PTPRO: variants seen among roughly 807,000 people sequenced by gnomAD.
PTPRO encodes the protein receptor-type tyrosine-protein phosphatase O.
A neutral mutation model predicts 145.2 loss-of-function variants in PTPRO; 62 were observed. That is an observed-to-expected ratio of 0.43 (90% CI 0.35 to 0.53). PTPRO has a LOEUF of 0.53. Ranked by LOEUF, PTPRO falls within the 20% of genes least tolerant of loss-of-function variation. The probability of loss-of-function intolerance (pLI) is 0.01; values close to 1 mark genes in which losing one functional copy is unlikely to be tolerated. For synonymous variants in PTPRO, 565 were observed against 514.7 expected (o/e 1.10, Z -1.32); for missense variants, 1,345 against 1,482.7 (o/e 0.91, Z 1.53).
chr12:15,444,051 C>G (rs908362781), intron 1 of PTPRO, among the ~76,000 whole-genome samples: 1 of 151,632 alleles, frequency 6.6e-6, no homozygotes, highest in Non-Finnish European at 1.5e-5. Context: ...CATCACAGCA[C>G]TATTTGTGAT....
Position 15,546,591 on chromosome 12 carries a change from C to G in PTPRO, c.2187C>G (p.Leu729=). 1 of 1,610,764 alleles carries G rather than the reference C, an allele frequency of 6.2e-7. No individual in the cohort carries two copies. Among genetic ancestry groups the G allele is most frequent in the Non-Finnish European group, 8.5e-7 (1 of 1,178,220 alleles). ...VKLEPAPPKS[L]FAVNKTQTSV... The stretch of plus-strand genomic sequence containing the variant: ...CAGAACCAGCTCCACCCAAATCACT[C>G]TTCGCAGTGAACAAAACCCAGACTT... Residue 729 remains leucine, a synonymous_variant, in exon 13 of 27, where the codon CTC becomes CTG. Coordinates refer to ENST00000281171, the MANE Select transcript of PTPRO (RefSeq NM_030667.3).
chr12:15,580,279 A>G (rs1944282473), intron 21 of PTPRO, among the ~76,000 whole-genome samples, 164 bp downstream of exon 21: 1 of 152,246 alleles, frequency 6.6e-6, no homozygotes, highest in African/African-American at 2.4e-5. Context: ...GAATAGAAAG[A>G]AAAAGTCCAT....
intron 12 of PTPRO, among the ~76,000 whole-genome samples, chr12:15,545,207 C>T (rs1335703874): frequency 6.6e-6 from 1 of 151,872 alleles, no homozygotes; most frequent in Non-Finnish European, 1.5e-5. Context: ...AGCTGGAGAA[C>T]AGACTTAGGA....
intron 25 of PTPRO, among the ~76,000 whole-genome samples, chr12:15,592,796 A>G (rs1047645360): frequency 1.3e-5 from 2 of 152,194 alleles, no homozygotes; most frequent in Non-Finnish European, 2.9e-5. Context: ...TGAAACTGTG[A>G]AGTGCTACTT....
chr12:15,515,976 G>GTTTTT (rs779273373), intron 8 of PTPRO, among the ~76,000 whole-genome samples: 1 of 126,202 alleles, frequency 7.9e-6, no homozygotes, highest in Non-Finnish European at 1.7e-5. Context: ...TGTTTGTCTG[G>GTTTTT]TTTTTTTTTT....
intron 1 of PTPRO, among the ~76,000 whole-genome samples, chr12:15,476,614 G>A (rs981929486): frequency 6.6e-6 from 1 of 151,112 alleles, no homozygotes; most frequent in Non-Finnish European, 1.5e-5. Flanking sequence ...CATTGCTTTT[G>A]GTGTTTTGGA....
At chr12:15,538,589 A>T (rs1020691211) in intron 12 of PTPRO, among the ~76,000 whole-genome samples, 1 of 152,236 alleles carries the variant, frequency 6.6e-6, no homozygotes, top group Admixed American at 6.5e-5. Flanking sequence ...CTGCAGGTAC[A>T]TGATTCTCTC....
chr12:15,495,254 T>G (rs1326082270), intron 2 of PTPRO, among the ~76,000 whole-genome samples: 2 of 151,632 alleles, frequency 1.3e-5, no homozygotes, highest in Non-Finnish European at 2.9e-5. Flanking sequence ...ATGCTGTTTT[T>G]CAGAAAACTC....
intron 23 of PTPRO, among the ~76,000 whole-genome samples, chr12:15,582,559 G>T (rs1944344097): frequency 6.6e-6 from 1 of 152,206 alleles, no homozygotes; most frequent in South Asian, 2.1e-4. Flanking sequence ...GATCATAGAA[G>T]ACACTATTAA....
chr12:15,451,538 T>C (rs1329491577), intron 1 of PTPRO, among the ~76,000 whole-genome samples: 1 of 152,144 alleles, frequency 6.6e-6, no homozygotes, highest in Non-Finnish European at 1.5e-5. Context: ...AACCACAGAA[T>C]ATGCATTCTA....
chr12:15,404,188 CAAAAAAAAA>C (rs370733389), intron 1 of PTPRO, among the ~76,000 whole-genome samples: 7 of 49,998 alleles, frequency 1.4e-4, no homozygotes, highest in Admixed American at 2.6e-4. Context: ...GACCCCATCT[CAAAAAAAAA>C]AAAAAAAAAA....
At chr12:15,576,212 A>C (rs1160748305) in intron 19 of PTPRO, among the ~76,000 whole-genome samples, 1 of 152,244 alleles carries the variant, frequency 6.6e-6, no homozygotes, top group South Asian at 2.1e-4. Context: ...ATAACTTCAA[A>C]GCTGCTGAAC....
In PTPRO at chr12:15,581,714, A is replaced by ATGG; in HGVS notation, c.3168_3169insTGG (p.Glu1056_Pro1057insTrp). 1 of 1,613,994 alleles carries ATGG rather than the reference A, an allele frequency of 6.2e-7. No homozygotes were observed. The highest frequency in any genetic ancestry group is 8.5e-7 in the Non-Finnish European group (1 of 1,179,904). On this transcript the variant is annotated inframe_insertion, in exon 23 of 27. Transcript: ENST00000281171. ...ACCATTACTGGCCATTCACGGAAGA[A>ATGG]CCTATAGCCTATGGAGACATCACTG...
Position 15,461,782 on chromosome 12 carries a change from G to T in PTPRO, c.76-22192G>T, listed in dbSNP as rs253807. On this transcript the variant is annotated intron_variant, in intron 1 of 26. Coordinates refer to ENST00000281171, the MANE Select transcript of PTPRO (RefSeq NM_030667.3). ...GGGGTTTCACCGTGTTGGCCATGAT[G>T]GTCTCGACCTCCTGACCTCGTGATC... Among the ~76,000 whole-genome samples the T allele has an allele frequency of 1.7e-3, 263 of 151,988 alleles. 1 individual carries two copies. Among genetic ancestry groups the T allele is most frequent in the African/African-American group, 6.0e-3 (250 of 41,450 alleles).
In PTPRO at chr12:15,352,920, AT is replaced by A. The variant is rs1461274375; in HGVS notation, c.75+30120del. 2.0e-5 allele frequency among the ~76,000 whole-genome samples: 3 copies of A among 152,314 alleles called. No homozygotes were observed. The East Asian group carries it at 5.8e-4, about 29-fold the overall frequency. On this transcript the variant is annotated intron_variant, in intron 1 of 26. Transcript: ENST00000281171. ...TTCCCATCAATTACCCAGAAAATAC[AT>A]GTCTTATATGTCAATATATCATGCA...
chr12:15,517,016 C>T (rs1288750999), intron 9 of PTPRO, 60 bp downstream of exon 9: 1 of 1,394,300 alleles, frequency 7.2e-7, no homozygotes, highest in Non-Finnish European at 1.0e-6. Flanking sequence ...CCTTTATGTA[C>T]CAAATGTGTC....
chr12:15,551,706 C>T, intron 15 of PTPRO, 35 bp downstream of exon 15: 3 of 1,603,030 alleles, frequency 1.9e-6, no homozygotes, highest in Non-Finnish European at 1.7e-6. Context: ...TATCCGGAAT[C>T]TTTAAAATAT....
At chr12:15,369,849 C>T (rs1358334743) in intron 1 of PTPRO, among the ~76,000 whole-genome samples, 4 of 152,090 alleles carry the variant, frequency 2.6e-5, no homozygotes, top group Non-Finnish European at 5.9e-5. Flanking sequence ...GTCAGGAGTG[C>T]AAGACCAGCC....
At chr12:15,482,779 C>A (rs1941806835) in intron 1 of PTPRO, among the ~76,000 whole-genome samples, 1 of 152,088 alleles carries the variant, frequency 6.6e-6, no homozygotes, top group Non-Finnish European at 1.5e-5. Context: ...AGAAACTTAA[C>A]AGTCATGTGT....
Sources: gnomAD v4.1 joint callset for allele counts (sites outside exome capture counted in the v4.1 genomes callset) on GRCh38, gnomAD v4.1.1 for gene constraint, MANE v1.5 for transcripts, NCBI Gene and HGNC (gene_info 2026-07-23, HGNC 2026-07-21) for gene names.